The following DOP1A variants were observed in gnomAD, a reference collection of about 807,000 sequenced individuals.
The protein encoded by DOP1A is protein DOP1A.
A neutral mutation model predicts 267.6 loss-of-function variants in DOP1A; 90 were observed. The ratio of observed to expected loss-of-function variants is 0.34; its 90% confidence interval spans 0.28 to 0.40. The LOEUF (loss-of-function observed/expected upper bound fraction) is 0.40. Among genes scored for constraint, DOP1A ranks in the 10% least tolerant of loss-of-function variants. DOP1A has a pLI of 1.00. For synonymous variants in DOP1A, 932 were observed against 999.1 expected (o/e 0.93, Z 1.27); for missense variants, 2,437 against 2,900.4 (o/e 0.84, Z 3.67).
chr6:83,131,448 C>G (rs1778008726), intron 17 of DOP1A, among the ~76,000 whole-genome samples: 1 of 151,980 alleles, frequency 6.6e-6, no homozygotes, highest in South Asian at 2.1e-4. Context: ...TCTGAAATAC[C>G]TATTATCTAT....
chr6:83,135,633 T>C lies in DOP1A; in HGVS notation c.2885T>C (p.Met962Thr), dbSNP rs1184646607. 1.2e-6 allele frequency: 2 copies of C among 1,613,250 alleles called. No individual in the cohort carries two copies. Among genetic ancestry groups the C allele is most frequent in the Non-Finnish European group, 1.7e-6 (2 of 1,179,406 alleles). The change falls in exon 20 of 39, where the codon ATG (methionine) becomes ACG (threonine). Residue 962 changes from methionine to threonine, a missense_variant. Met to Thr is a moderately conservative substitution (Grantham distance 81, BLOSUM62 -1). Around this residue, in one of 9 missense-constraint regions of DOP1A, gnomAD observed 878 missense variants for 992.9 expected, o/e 0.88. Transcript: ENST00000349129. ...VRSFDRSLFI[M>T]LDSLNSLDGS... ...GTTTATTTTAGGTCACTGTTCATCATGTTAGATAGCCTTAACAGTCTCGAT... is the reference window on the plus strand; with the variant it reads ...GTTTATTTTAGGTCACTGTTCATCACGTTAGATAGCCTTAACAGTCTCGAT...
At chr6:83,102,763 A>G (rs1772817862) in intron 4 of DOP1A, among the ~76,000 whole-genome samples, 1 of 152,240 alleles carries the variant, frequency 6.6e-6, no homozygotes, top group South Asian at 2.1e-4. Flanking sequence ...CACACTTCAG[A>G]AAAATTAAGA....
intron 26 of DOP1A, 68 bp downstream of exon 26, chr6:83,147,359 T>C (rs190890385): frequency 4.8e-6 from 4 of 834,768 alleles, no homozygotes; most frequent in Non-Finnish European, 7.0e-6. Context: ...TTTATGGATA[T>C]ATTAATATAA....
At position 83,151,580 on chromosome 6, in the gene DOP1A, T is replaced by G; in HGVS notation, c.5838-13T>G. ...GATATTTCCCGTTTCTGTTTTCTCT[T>G]TGGCCCTTTTAGGGTTCTGAATGAG... is the stretch of plus-strand genomic sequence containing the variant. On this transcript the variant is annotated splice_polypyrimidine_tract_variant and intron_variant, in intron 27 of 38. Transcript: ENST00000349129. The G allele has an allele frequency of 6.3e-7, 1 of 1,586,890 alleles. No homozygotes were observed. Among genetic ancestry groups the G allele is most frequent in the Non-Finnish European group, 8.5e-7 (1 of 1,171,390 alleles).
In DOP1A at chr6:83,129,158, G is replaced by A. The variant is rs746978459; in HGVS notation, c.1991G>A (p.Arg664Gln). The A allele has an allele frequency of 9.9e-6, 16 of 1,612,652 alleles. No homozygotes were observed. The highest frequency in any genetic ancestry group is 4.0e-5 in the African/African-American group (3 of 74,888). Residue 664 changes from arginine (R) to glutamine (Q), a missense_variant, in exon 16 of 39, where the codon CGA becomes CAA. Arg to Gln is a conservative substitution (Grantham distance 43). Coordinates refer to ENST00000349129, the MANE Select transcript of DOP1A (RefSeq NM_015018.4). ...GTAGTCACTCAGGGGACAGCAACCC[G>A]AAGTAGGAAGACAGCCCAAAAGACT... ...PSVVTQGTAT[R>Q]SRKTAQKTAM...
At chr6:83,162,211 C>T (rs1784395118) in intron 37 of DOP1A, among the ~76,000 whole-genome samples, 1 of 151,608 alleles carries the variant, frequency 6.6e-6, no homozygotes, top group Non-Finnish European at 1.5e-5. Context: ...TTTGGTATGC[C>T]CATTTATACT....
At chr6:83,164,539 T>C in intron 38 of DOP1A, 1 of 956,308 alleles carries the variant, frequency 1.0e-6, no homozygotes, top group Non-Finnish European at 1.6e-6. Context: ...TCCCACAGAA[T>C]AAGAAAACTA....
intron 18 of DOP1A, among the ~76,000 whole-genome samples, chr6:83,133,270 G>T (rs1276150646): frequency 6.6e-6 from 1 of 151,040 alleles, no homozygotes; most frequent in Admixed American, 6.6e-5. Flanking sequence ...TTTTCACTTG[G>T]GTAGCATTTC....
chr6:83,092,648 G>GTT (rs548191885), intron 1 of DOP1A, among the ~76,000 whole-genome samples: 3,943 of 134,184 alleles, frequency 0.029, 71 homozygotes, highest in Admixed American at 0.078. Flanking sequence ...TCTAAATTCT[G>GTT]TTTTTTTTTC....
At chr6:83,113,219 A>G in intron 6 of DOP1A, 104 bp from the exon 7 acceptor site, 1 of 721,098 alleles carries the variant, frequency 1.4e-6, no homozygotes, top group Non-Finnish European at 2.3e-6. Context: ...TATTGATTAG[A>G]TCCTCAGAAG....
Position 83,165,818 on chromosome 6 carries a change from G to A in DOP1A, c.7093-2044G>A. On this transcript the variant is annotated intron_variant, in intron 38 of 38. Coordinates refer to ENST00000349129, the MANE Select transcript of DOP1A (RefSeq NM_015018.4). ...CGTGAAAAGAATTGGGCCCTTTCTG[G>A]TGGCCAATGCCGGCTGCAGGCATTG... The A allele has an allele frequency of 1.6e-5, 5 of 311,680 alleles. 1 individual carries two copies. Among genetic ancestry groups the A allele is most frequent in the South Asian group, 1.2e-4 (4 of 33,708 alleles). 19.3% of individuals were successfully genotyped at this position (311,680 alleles called of 1,614,324 possible).
At chr6:83,169,422 A>C, downstream of DOP1A, 1 of 1,380,760 alleles carries the variant, frequency 7.2e-7, no homozygotes, top group Non-Finnish European at 9.9e-7. Context: ...GAGAGGGGTG[A>C]TTCTTGATTT....
At position 83,082,209 on chromosome 6, in the gene DOP1A, G is replaced by A. The variant is rs118073894; in HGVS notation, c.-147+14430G>A. 1.6e-4 allele frequency among the ~76,000 whole-genome samples: 25 copies of A among 152,270 alleles called. No homozygotes were observed. In the East Asian group the frequency reaches 4.0e-3, roughly 25 times the overall value. On this transcript the variant is annotated intron_variant, in intron 1 of 38. Coordinates refer to ENST00000349129, the MANE Select transcript of DOP1A (RefSeq NM_015018.4). ...GAAAATGAAATCAGTATGTCAAAGA[G>A]AGAAGTGCACATAAACAGCAGTATT...
At chr6:83,158,309 C>T (rs1783325153) in intron 35 of DOP1A, among the ~76,000 whole-genome samples, 1 of 152,008 alleles carries the variant, frequency 6.6e-6, no homozygotes, top group Admixed American at 6.6e-5. Flanking sequence ...CCTATTTTTC[C>T]TTTTTTAATA....
intron 38 of DOP1A, chr6:83,167,234 C>T: frequency 3.1e-6 from 3 of 958,254 alleles, no homozygotes; most frequent in Non-Finnish European, 3.7e-6. Flanking sequence ...AGCCAGCACA[C>T]TAACTCAATT....
chr6:83,132,030 C>T, intron 17 of DOP1A, 146 bp from the exon 18 acceptor site: 1 of 846,406 alleles, frequency 1.2e-6, no homozygotes, highest in East Asian at 2.6e-5. Context: ...TGGAAGACTG[C>T]CTTAGTAACC....
intron 7 of DOP1A, among the ~76,000 whole-genome samples, chr6:83,115,703 G>A (rs1249486379): frequency 2.6e-5 from 4 of 152,084 alleles, no homozygotes; most frequent in Admixed American, 1.3e-4. Context: ...CCAGCCTGGC[G>A]ACAGAGCAAG....
intron 33 of DOP1A, 21 bp downstream of exon 33, chr6:83,154,262 A>G: frequency 1.2e-6 from 2 of 1,604,910 alleles, no homozygotes; most frequent in South Asian, 1.1e-5. Context: ...CGGGATGACA[A>G]TCCAAGTTCT....
chr6:83,122,885 A>G lies in DOP1A; in HGVS notation c.1243A>G (p.Thr415Ala). The change falls in exon 12 of 39, where the codon ACA becomes GCA. Residue 415 changes from threonine (T) to alanine (A), a missense_variant. Thr to Ala is a moderately conservative substitution (Grantham distance 58, BLOSUM62 0). This residue lies in a region of DOP1A where 498 missense variants were observed against 513.5 expected (regional missense o/e 0.97). Transcript: ENST00000349129. ...CAGTAAATTAAGAGAAAATAAGAAA[A>G]CAGCAGAGCTGATTAAAACTGCTAA... ...LSSKLRENKKTAELIKTANLL... is the reference protein window; with the variant it reads ...LSSKLRENKKAAELIKTANLL... The G allele has an allele frequency of 6.7e-7, 1 of 1,500,262 alleles. No homozygotes were observed. The highest frequency in any genetic ancestry group is 8.9e-7 in the Non-Finnish European group (1 of 1,124,946). 92.9% of individuals were successfully genotyped at this position (1,500,262 alleles called of 1,614,324 possible). A position where few individuals can be genotyped will look rare whatever the true frequency, so the allele number is the denominator to read the frequency against.
Sources: gnomAD v4.1 joint callset for allele counts (sites outside exome capture counted in the v4.1 genomes callset) on GRCh38, gnomAD v4.1.1 for gene constraint, gnomAD v4.1.1 regional missense constraint, MANE v1.5 for transcripts, NCBI Gene and HGNC (gene_info 2026-07-23, HGNC 2026-07-21) for gene names.